SLC9D1: variants seen among roughly 807,000 people sequenced by gnomAD.
The protein encoded by SLC9D1 is putative LAG1-interacting protein.
the SLC9D1 span, among the ~76,000 whole-genome samples, chr13:113,524,414 G>T: frequency 6.6e-6 from 1 of 152,054 alleles, no homozygotes; most frequent in African/African-American, 2.4e-5. Context: ...GCGTGATCTC[G>T]GCTCCTGCCT....
chr13:113,520,811 C>A, the SLC9D1 span: 1 of 1,067,166 alleles, frequency 9.4e-7, no homozygotes, highest in South Asian at 1.3e-5. Context: ...ATACCTTTTC[C>A]AAAGAGATGT....
chr13:113,536,784 G>T, the SLC9D1 span, among the ~76,000 whole-genome samples: 16 of 152,302 alleles, frequency 1.1e-4, no homozygotes, highest in African/African-American at 3.6e-4. Flanking sequence ...GCCCATTCTC[G>T]TGTTTCTGGA....
chr13:113,535,721 G>C, the SLC9D1 span, among the ~76,000 whole-genome samples: 1 of 152,092 alleles, frequency 6.6e-6, no homozygotes, highest in African/African-American at 2.4e-5. The surrounding 1 kb of genome is among the most constrained non-coding windows in gnomAD (Gnocchi z 4.1). Context: ...TTTATGAGGC[G>C]AGAAGATTCT....
the SLC9D1 span, chr13:113,500,003 G>T: frequency 6.4e-7 from 1 of 1,569,038 alleles, no homozygotes; most frequent in African/African-American, 1.4e-5. Flanking sequence ...GGAGGAAGAA[G>T]AGGCCAATTC....
chr13:113,497,003 T>C, the SLC9D1 span, among the ~76,000 whole-genome samples: 1 of 152,256 alleles, frequency 6.6e-6, no homozygotes. Flanking sequence ...ATATGCTAGT[T>C]ATTATCTCCT....
the SLC9D1 span, among the ~76,000 whole-genome samples, chr13:113,507,239 G>C: frequency 1.0e-4 from 15 of 149,844 alleles, no homozygotes; most frequent in Non-Finnish European, 1.9e-4. Flanking sequence ...TCATGGAGAC[G>C]GCATCCCGCT....
At chr13:113,547,199 A>G in the SLC9D1 span, 1 of 889,858 alleles carries the variant, frequency 1.1e-6, no homozygotes, top group South Asian at 1.5e-5. Context: ...TAGGATTTTA[A>G]TTCCTGTATT....
the SLC9D1 span, among the ~76,000 whole-genome samples, chr13:113,522,900 G>A: frequency 3.9e-5 from 6 of 152,320 alleles, no homozygotes; most frequent in African/African-American, 1.4e-4. Context: ...AAAGTGCTGG[G>A]ATTACAGGCA....
chr13:113,495,911 T>C, the SLC9D1 span: 2 of 1,614,102 alleles, frequency 1.2e-6, no homozygotes, highest in Non-Finnish European at 1.7e-6. Context: ...AAAATTCCGT[T>C]TTCCAAGCTG....
the SLC9D1 span, among the ~76,000 whole-genome samples, chr13:113,491,784 C>G: frequency 6.6e-6 from 1 of 152,234 alleles, no homozygotes; most frequent in African/African-American, 2.4e-5. Context: ...CCTGTGACTC[C>G]TAACGGCTCC....
the SLC9D1 span, among the ~76,000 whole-genome samples, chr13:113,493,340 A>G: frequency 5.3e-5 from 8 of 152,218 alleles, no homozygotes; most frequent in African/African-American, 9.6e-5. Flanking sequence ...CTTTTGGGGA[A>G]ACTGGGAAGT....
the SLC9D1 span, among the ~76,000 whole-genome samples, chr13:113,501,332 A>G: frequency 6.6e-6 from 1 of 152,228 alleles, no homozygotes; most frequent in Non-Finnish European, 1.5e-5. Context: ...CAAATAAAAT[A>G]TGACATCAAT....
chr13:113,517,449 C>T, the SLC9D1 span, among the ~76,000 whole-genome samples: 4 of 152,200 alleles, frequency 2.6e-5, no homozygotes, highest in South Asian at 2.1e-4. Context: ...AGGATGGTCT[C>T]GATCTCCTGA....
chr13:113,535,794 G>A, the SLC9D1 span, among the ~76,000 whole-genome samples: 1 of 152,108 alleles, frequency 6.6e-6, no homozygotes, highest in Non-Finnish European at 1.5e-5. This position sits in a 1 kb window ranked among gnomAD's most constrained non-coding sequence, Gnocchi z 4.1. Flanking sequence ...GAGGGGCTGG[G>A]GATGGCACTC....
chr13:113,525,722 G>A, the SLC9D1 span, among the ~76,000 whole-genome samples: 3 of 152,104 alleles, frequency 2.0e-5, no homozygotes, highest in Admixed American at 6.5e-5. Flanking sequence ...CGTAGGAGAC[G>A]ACAGCTCTGT....
At chr13:113,524,454 C>T in the SLC9D1 span, among the ~76,000 whole-genome samples, 4 of 152,204 alleles carry the variant, frequency 2.6e-5, no homozygotes, top group Non-Finnish European at 5.9e-5. Flanking sequence ...CGTGCCTCAG[C>T]CTCCTGAGTA....
chr13:113,519,585 C>T, the SLC9D1 span, among the ~76,000 whole-genome samples: 3 of 152,200 alleles, frequency 2.0e-5, no homozygotes, highest in South Asian at 2.1e-4. Flanking sequence ...GTTCTGCCCT[C>T]GTGAGCCGGT....
At chr13:113,501,673 G>A in the SLC9D1 span, 2 of 1,177,086 alleles carry the variant, frequency 1.7e-6, no homozygotes. Context: ...ACTACGTCCT[G>A]TTCTGTGCCT....
chr13:113,520,541 G>T, the SLC9D1 span: 15 of 927,832 alleles, frequency 1.6e-5, no homozygotes, highest in Non-Finnish European at 2.6e-5. Flanking sequence ...TTGGAAGTGT[G>T]TACAATGGCA....
Sources: gnomAD v4.1 joint callset for allele counts (sites outside exome capture counted in the v4.1 genomes callset) on GRCh38, gnomAD v4.1.1 for gene constraint, Gnocchi (gnomAD v3.1) non-coding constraint, MANE v1.5 for transcripts, NCBI Gene and HGNC (gene_info 2026-07-23, HGNC 2026-07-21) for gene names.